KIAA0232: variants seen among roughly 807,000 people sequenced by gnomAD.
KIAA0232 encodes the protein uncharacterized protein KIAA0232.
Under a neutral mutation model 122.0 loss-of-function variants are expected in KIAA0232, and 27 were observed. That is an observed-to-expected ratio of 0.22 (90% CI 0.16 to 0.31). KIAA0232 has a LOEUF of 0.31. Among genes scored for constraint, KIAA0232 ranks in the 10% least tolerant of loss-of-function variants. The pLI, the probability that KIAA0232 is intolerant of heterozygous loss-of-function variation, is 1.00. For missense variants in KIAA0232, 1,551 were observed against 1,634.2 expected (o/e 0.95, Z 0.88); for synonymous variants, 613 against 587.6 (o/e 1.04, Z -0.63).
intron 1 of KIAA0232, among the ~76,000 whole-genome samples, chr4:6,783,129 C>A (rs1302753285): frequency 1.3e-5 from 2 of 151,554 alleles, no homozygotes; most frequent in African/African-American, 4.8e-5. Flanking sequence ...GAGGCCGGGC[C>A]GCCGCTGATG....
chr4:6,879,441 C>T lies in KIAA0232; in HGVS notation c.4009-1346C>T, dbSNP rs1721935388. On this transcript the variant is annotated intron_variant, in intron 9 of 9. Transcript: ENST00000307659. ...CTTTGCTGTTGCATTTGAGACAGAT[C>T]CAAACTCCCCGCCACGCCTCTACAG... 2.0e-5 allele frequency among the ~76,000 whole-genome samples: 3 copies of T among 152,168 alleles called. No homozygotes were observed. In the South Asian group the frequency reaches 6.2e-4, roughly 32 times the overall value.
chr4:6,873,087 A>G (rs966231994), intron 8 of KIAA0232, among the ~76,000 whole-genome samples: 2 of 152,182 alleles, frequency 1.3e-5, no homozygotes, highest in African/African-American at 2.4e-5. Flanking sequence ...CCATTAGCTC[A>G]TATCTGGACA....
Position 6,874,291 on chromosome 4 carries a change from G to A in KIAA0232, c.3911-2369G>A, listed in dbSNP as rs374457934. Among the ~76,000 whole-genome samples the A allele has an allele frequency of 1.2e-4, 19 of 152,320 alleles. No individual in the cohort carries two copies. In the East Asian group the frequency reaches 1.9e-3, roughly 15 times the overall value. On this transcript the variant is annotated intron_variant, in intron 8 of 9. Coordinates refer to ENST00000307659, the MANE Select transcript of KIAA0232 (RefSeq NM_014743.3). The stretch of plus-strand genomic sequence containing the variant: ...TCTCAACAGGGACTTGAGGAAATAG[G>A]GCACAGACCATGTGACAGCTGGGGC...
chr4:6,800,039 CTTTCTTTTTTTTTTTTTTTTTTTTTTT>C (rs1013263010), intron 1 of KIAA0232, among the ~76,000 whole-genome samples: 3 of 67,304 alleles, frequency 4.5e-5, no homozygotes, highest in Admixed American at 3.1e-4. Context: ...TTCTTTCTTT[CTTTCTTTTTTTTTTTTTTTTTTTTTTT>C]TTTTTTTTTG....
intron 3 of KIAA0232, among the ~76,000 whole-genome samples, chr4:6,826,928 AACTC>A (rs1309282565): frequency 1.3e-5 from 2 of 152,160 alleles, no homozygotes; most frequent in Non-Finnish European, 2.9e-5. Flanking sequence ...TTTCTTTACT[AACTC>A]TAGGGGGTTG....
rs1174775218 is a variant in KIAA0232, at chr4:6,872,435, C to T, written c.3910+753C>T. On this transcript the variant is annotated intron_variant, in intron 8 of 9. Transcript: ENST00000307659. ...AGGTAGAGAGGGAGACAGGAGTGGG[C>T]GCTGATGCGGTGAGGAAGATTTTAG... 3.3e-5 allele frequency among the ~76,000 whole-genome samples: 5 copies of T among 152,194 alleles called. No homozygotes were observed. The South Asian group carries it at 6.2e-4, about 19-fold the overall frequency.
Position 6,862,226 on chromosome 4 carries a change from C to T in KIAA0232, c.1844C>T (p.Ser615Phe), listed in dbSNP as rs1720914095. The change falls in exon 7 of 10, where the codon TCT (serine) becomes TTT (phenylalanine). Residue 615 changes from serine (S) to phenylalanine (F), a missense_variant. Coordinates refer to ENST00000307659, the MANE Select transcript of KIAA0232 (RefSeq NM_014743.3). ...GGAGGAGACTCTCCAGTTAGACTCT[C>T]TCCCATCTTAGACAGCACAGTGCTC... ...SFGGDSPVRL[S>F]PILDSTVLNS... 1.2e-6 allele frequency: 2 copies of T among 1,614,062 alleles called. No homozygotes were observed.
intron 2 of KIAA0232, among the ~76,000 whole-genome samples, chr4:6,814,135 T>C (rs1718006455): frequency 6.6e-6 from 1 of 152,146 alleles, no homozygotes; most frequent in Admixed American, 6.5e-5. Flanking sequence ...GGGGATAACG[T>C]AGTTTAAATG....
intron 3 of KIAA0232, among the ~76,000 whole-genome samples, chr4:6,825,761 CT>C (rs1560176664): frequency 6.6e-6 from 1 of 152,076 alleles, no homozygotes; most frequent in Non-Finnish European, 1.5e-5. Context: ...CACATAAAAT[CT>C]TTTGGTTTTT....
intron 1 of KIAA0232, among the ~76,000 whole-genome samples, chr4:6,785,863 G>C (rs940506187): frequency 2.0e-5 from 3 of 152,072 alleles, no homozygotes; most frequent in Non-Finnish European, 4.4e-5. Flanking sequence ...GACTGCTCTT[G>C]GTTCTCTGAA....
chr4:6,830,437 A>C, intron 3 of KIAA0232, among the ~76,000 whole-genome samples: 2 of 124,218 alleles, frequency 1.6e-5, no homozygotes, highest in Non-Finnish European at 1.6e-5. Flanking sequence ...GAGATGGAGC[A>C]CTCACTGTGT....
At chr4:6,858,636 G>C (rs545133152) in intron 6 of KIAA0232, 130 bp downstream of exon 6, 2 of 611,200 alleles carry the variant, frequency 3.3e-6, no homozygotes, top group East Asian at 6.2e-5. Context: ...AACATTTATC[G>C]AGCGCTTATA....
intron 2 of KIAA0232, among the ~76,000 whole-genome samples, chr4:6,823,128 A>G (rs1577373880): frequency 6.6e-6 from 1 of 151,650 alleles, no homozygotes; most frequent in African/African-American, 2.4e-5. Flanking sequence ...TTATGGCTGC[A>G]TAGTATTCCA....
At chr4:6,789,629 G>C (rs1438072797) in intron 1 of KIAA0232, among the ~76,000 whole-genome samples, 2 of 152,124 alleles carry the variant, frequency 1.3e-5, no homozygotes, top group East Asian at 3.9e-4. Flanking sequence ...GACTGAGTTG[G>C]AGAGGGCTTT....
intron 4 of KIAA0232, among the ~76,000 whole-genome samples, chr4:6,854,813 C>T (rs1720485762): frequency 6.6e-6 from 1 of 151,990 alleles, no homozygotes; most frequent in Non-Finnish European, 1.5e-5. Context: ...CTTAATCTTT[C>T]TTTGTTTTTT....
chr4:6,786,276 T>C (rs1258815073), intron 1 of KIAA0232, among the ~76,000 whole-genome samples: 1 of 152,242 alleles, frequency 6.6e-6, no homozygotes, highest in Non-Finnish European at 1.5e-5. Context: ...TTTTTATTTT[T>C]TCTGACCCTG....
rs575759303 is a variant in KIAA0232 at position 6,817,436 on chromosome 4, C to T, written c.-269-6749C>T. 6.6e-4 allele frequency among the ~76,000 whole-genome samples: 101 copies of T among 152,194 alleles called. 1 individual carries two copies. Among genetic ancestry groups the T allele is most frequent in the African/African-American group, 2.2e-3 (92 of 41,520 alleles). ...TTCACCGTGTTAGCCAGGATGGTCT[C>T]GATCTCCTGACCTCGTGATCCGCCT... On this transcript the variant is annotated intron_variant, in intron 2 of 9. Coordinates refer to ENST00000307659, the MANE Select transcript of KIAA0232 (RefSeq NM_014743.3).
intron 2 of KIAA0232, among the ~76,000 whole-genome samples, chr4:6,804,846 A>G (rs1186510127): frequency 6.6e-6 from 1 of 152,196 alleles, no homozygotes; most frequent in Non-Finnish European, 1.5e-5. Context: ...TGCTTATATT[A>G]ATAACTTGGG....
At chr4:6,803,809 AT>A (rs1257652127) in intron 1 of KIAA0232, among the ~76,000 whole-genome samples, 4 of 151,992 alleles carry the variant, frequency 2.6e-5, no homozygotes, top group Admixed American at 2.6e-4. Context: ...TTTCCTACCT[AT>A]TTTCTTCCTT....
Sources: gnomAD v4.1 joint callset for allele counts (sites outside exome capture counted in the v4.1 genomes callset) on GRCh38, gnomAD v4.1.1 for gene constraint, MANE v1.5 for transcripts, NCBI Gene and HGNC (gene_info 2026-07-23, HGNC 2026-07-21) for gene names.